AGBL4: variants seen among roughly 807,000 people sequenced by gnomAD.
AGBL4 encodes cytosolic carboxypeptidase 6.
AGBL4 carries 58 observed loss-of-function variants against 66.4 expected under a neutral mutation model. The ratio of observed to expected loss-of-function variants is 0.87; its 90% CI spans 0.71 to 1.09. The LOEUF (loss-of-function observed/expected upper bound fraction) is 1.09. Among genes scored for constraint, AGBL4 ranks in the 50% least tolerant of loss-of-function variants. The pLI, the probability that AGBL4 is intolerant of heterozygous loss-of-function variation, is 0.00. For synonymous variants in AGBL4, 234 were observed against 222.9 expected (o/e 1.05, Z -0.44); for missense variants, 579 against 631.0 (o/e 0.92, Z 0.88).
At chr1:48,785,747 G>C (rs770248106) in intron 6 of AGBL4, among the ~76,000 whole-genome samples, 1 of 152,154 alleles carries the variant, frequency 6.6e-6, no homozygotes, top group African/African-American at 2.4e-5. Flanking sequence ...TGGTGATTCT[G>C]CCTTATTCCA....
chr1:48,861,574 C>A (rs1451769865), intron 6 of AGBL4, among the ~76,000 whole-genome samples: 2 of 152,120 alleles, frequency 1.3e-5, no homozygotes, highest in African/African-American at 4.8e-5. Flanking sequence ...AACTATGGAT[C>A]CCAGAAGACA....
intron 5 of AGBL4, among the ~76,000 whole-genome samples, chr1:48,912,576 G>A (rs1653231356): frequency 6.6e-6 from 1 of 152,108 alleles, no homozygotes; most frequent in African/African-American, 2.4e-5. Context: ...TGGATATGTT[G>A]TCCAGCCCAC....
chr1:49,421,888 C>T (rs780946501), intron 3 of AGBL4, among the ~76,000 whole-genome samples: 2 of 152,104 alleles, frequency 1.3e-5, no homozygotes, highest in East Asian at 1.9e-4. Flanking sequence ...CACCGTTTGA[C>T]GCCCACTCCA....
At chr1:49,445,603 G>A (rs1476798821) in intron 3 of AGBL4, among the ~76,000 whole-genome samples, 1 of 151,750 alleles carries the variant, frequency 6.6e-6, no homozygotes, top group Admixed American at 6.6e-5. Flanking sequence ...AAAGACCTAT[G>A]TTCAAGTTCT....
chr1:48,581,160 T>G (rs1274112257), intron 11 of AGBL4, among the ~76,000 whole-genome samples: 2 of 152,212 alleles, frequency 1.3e-5, no homozygotes, highest in Non-Finnish European at 2.9e-5. Flanking sequence ...TTTTTTCATC[T>G]GTCTTTTTCT....
At chr1:48,581,435 C>T (rs1425823078) in intron 11 of AGBL4, among the ~76,000 whole-genome samples, 1 of 152,194 alleles carries the variant, frequency 6.6e-6, no homozygotes, top group African/African-American at 2.4e-5. Flanking sequence ...GTCTCTGTTC[C>T]CAATGTTTTT....
At chr1:49,289,894 C>T (rs1394367246) in intron 3 of AGBL4, among the ~76,000 whole-genome samples, 2 of 151,976 alleles carry the variant, frequency 1.3e-5, no homozygotes, top group Non-Finnish European at 2.9e-5. Flanking sequence ...ATGGAAAAAA[C>T]TCAACAATAC....
At position 48,842,722 on chromosome 1, in the gene AGBL4, G is replaced by A. The variant is rs949202512; in HGVS notation, c.634+24469C>T. Among the ~76,000 whole-genome samples the A allele has an allele frequency of 3.3e-5, 5 of 152,076 alleles. No homozygotes were observed. The East Asian group carries it at 9.6e-4, about 29-fold the overall frequency. ...CTAAAAGAGATATTTTGCACATCCAGGTTCTTAGCAGCATTCTTTACAATA... is the reference window on the plus strand; with the variant it reads ...CTAAAAGAGATATTTTGCACATCCAAGTTCTTAGCAGCATTCTTTACAATA... On this transcript the variant is annotated intron_variant, in intron 6 of 13. Coordinates refer to ENST00000371839, the MANE Select transcript of AGBL4 (RefSeq NM_032785.4).
chr1:49,909,658 A>C (rs1252899527), intron 1 of AGBL4, among the ~76,000 whole-genome samples: 1 of 152,134 alleles, frequency 6.6e-6, no homozygotes, highest in African/African-American at 2.4e-5. Context: ...AGCAGATGAG[A>C]TGTAATCAGA....
At chr1:49,565,924 A>G (rs1228915569) in intron 3 of AGBL4, among the ~76,000 whole-genome samples, 1 of 152,080 alleles carries the variant, frequency 6.6e-6, no homozygotes, top group Non-Finnish European at 1.5e-5. Context: ...TCTCCCCGTC[A>G]CTTTCAGGTA....
chr1:48,798,525 G>A (rs747636635), intron 6 of AGBL4, among the ~76,000 whole-genome samples: 1 of 152,038 alleles, frequency 6.6e-6, no homozygotes. Context: ...CATTGCTTTT[G>A]TTTTTGTTGA....
At chr1:48,774,111 C>T (rs1030966893) in intron 6 of AGBL4, among the ~76,000 whole-genome samples, 1 of 152,224 alleles carries the variant, frequency 6.6e-6, no homozygotes, top group Admixed American at 6.5e-5. Flanking sequence ...GAAAGCTGTG[C>T]TGAAACTACC....
intron 2 of AGBL4, among the ~76,000 whole-genome samples, chr1:49,758,744 AG>A (rs1317288550): frequency 6.6e-6 from 1 of 151,872 alleles, no homozygotes; most frequent in Non-Finnish European, 1.5e-5. Context: ...CATAGATGGA[AG>A]GGGCTTCTCT....
At chr1:48,844,269 T>A (rs1235746549) in intron 6 of AGBL4, among the ~76,000 whole-genome samples, 5 of 152,288 alleles carry the variant, frequency 3.3e-5, no homozygotes, top group East Asian at 1.9e-4. Flanking sequence ...TCAGCTTTTT[T>A]AAAAGCTATC....
At chr1:49,018,560 A>G (rs1449197789) in intron 5 of AGBL4, among the ~76,000 whole-genome samples, 1 of 152,192 alleles carries the variant, frequency 6.6e-6, no homozygotes, top group Non-Finnish European at 1.5e-5. Flanking sequence ...CTGACATGAC[A>G]AAATCCCCTT....
chr1:49,704,168 T>C (rs1418345370), intron 2 of AGBL4, among the ~76,000 whole-genome samples: 3 of 152,076 alleles, frequency 2.0e-5, no homozygotes, highest in African/African-American at 7.2e-5. Flanking sequence ...TAGAAATTGA[T>C]TATCTCATTC....
chr1:48,831,474 C>T (rs1646551022), intron 6 of AGBL4, among the ~76,000 whole-genome samples: 1 of 152,212 alleles, frequency 6.6e-6, no homozygotes, highest in Non-Finnish European at 1.5e-5. Context: ...TTTCTGAAGC[C>T]TTGCCTTACT....
intron 3 of AGBL4, among the ~76,000 whole-genome samples, chr1:49,268,462 T>G (rs1384938281): frequency 6.9e-6 from 1 of 144,122 alleles, no homozygotes; most frequent in East Asian, 2.2e-4. Context: ...ATACAAGATC[T>G]CACTCTATTG....
intron 5 of AGBL4, among the ~76,000 whole-genome samples, chr1:49,030,662 A>G (rs1664135806): frequency 6.6e-6 from 1 of 152,020 alleles, no homozygotes; most frequent in African/African-American, 2.4e-5. Context: ...TGATAATATG[A>G]GGTAGAAGTT....
Sources: allele counts gnomAD v4.1 joint callset (sites outside exome capture counted in the v4.1 genomes callset), GRCh38; gene constraint gnomAD v4.1.1; transcripts MANE v1.5; gene names NCBI Gene and HGNC (gene_info 2026-07-23, HGNC 2026-07-21).